Variants in DIAPH3 observed in about 807,000 individuals in gnomAD.
The protein encoded by DIAPH3 is diaphanous related formin 3.
DIAPH3 carries 117 observed loss-of-function variants against 144.3 expected under a neutral mutation model. The ratio of observed to expected loss-of-function variants is 0.81; its 90% confidence interval spans 0.70 to 0.95. The LOEUF (loss-of-function observed/expected upper bound fraction) is 0.95, where lower values mean the gene tolerates loss of function less well. DIAPH3 is among the 40% of genes least tolerant of loss of function. DIAPH3 has a pLI of 0.00. For synonymous variants in DIAPH3, 519 were observed against 488.9 expected (o/e 1.06, Z -0.81); for missense variants, 1,421 against 1,412.7 (o/e 1.01, Z -0.09).
chr13:59,813,299 G>A (rs190401077), intron 24 of DIAPH3, among the ~76,000 whole-genome samples: 55 of 151,850 alleles, frequency 3.6e-4, no homozygotes, highest in African/African-American at 9.7e-4. Flanking sequence ...ATATATAAAC[G>A]CTAGTTATTA....
At chr13:59,846,273 G>T (rs1057433524) in intron 22 of DIAPH3, among the ~76,000 whole-genome samples, 1 of 151,696 alleles carries the variant, frequency 6.6e-6, no homozygotes, top group Non-Finnish European at 1.5e-5. Context: ...TCTCCTGGAG[G>T]TGTTGGTCAT....
At chr13:59,771,944 T>C (rs986153239) in intron 27 of DIAPH3, among the ~76,000 whole-genome samples, 1 of 151,854 alleles carries the variant, frequency 6.6e-6, no homozygotes, top group Non-Finnish European at 1.5e-5. Flanking sequence ...TATAAATGAA[T>C]TTCACATAGC....
intron 2 of DIAPH3, among the ~76,000 whole-genome samples, chr13:60,132,091 C>T (rs1411524664): frequency 6.6e-6 from 1 of 152,172 alleles, no homozygotes; most frequent in African/African-American, 2.4e-5. Flanking sequence ...TTCTTAGGTA[C>T]TATTCAAAGG....
intron 5 of DIAPH3, among the ~76,000 whole-genome samples, chr13:60,029,550 A>T (rs1021911428): frequency 2.6e-5 from 4 of 152,140 alleles, no homozygotes; most frequent in African/African-American, 7.2e-5. Context: ...TTCTCACAAG[A>T]TCTGATGGCT....
chr13:59,995,944 T>A (rs1008388139), intron 9 of DIAPH3, among the ~76,000 whole-genome samples: 1 of 151,814 alleles, frequency 6.6e-6, no homozygotes, highest in East Asian at 1.9e-4. Context: ...GGTTTCAACA[T>A]GGAGATTAGA....
chr13:59,901,498 A>C (rs1014881140), intron 20 of DIAPH3, among the ~76,000 whole-genome samples: 3 of 152,180 alleles, frequency 2.0e-5, no homozygotes, highest in Non-Finnish European at 4.4e-5. Flanking sequence ...TTGCACACAC[A>C]AACACACTCA....
At position 59,963,251 on chromosome 13, in the gene DIAPH3, T is replaced by C. The variant is rs531601390; in HGVS notation, c.2074+6693A>G. On this transcript the variant is annotated intron_variant, in intron 17 of 27. Transcript: ENST00000400324. Reference sequence around the variant, plus strand: ...TACATTATAAGATCATATGCCCAAATGATTTAACCTTGAGGGACAAGAACA... The same window carrying C: ...TACATTATAAGATCATATGCCCAAACGATTTAACCTTGAGGGACAAGAACA... Among the ~76,000 whole-genome samples, 4 of 152,262 alleles carry C rather than the reference T, an allele frequency of 2.6e-5. 1 individual carries two copies. Among genetic ancestry groups the C allele is most frequent in the Admixed American group, 2.6e-4 (4 of 15,278 alleles).
At chr13:59,794,240 C>T (rs2039469656) in intron 25 of DIAPH3, among the ~76,000 whole-genome samples, 1 of 152,146 alleles carries the variant, frequency 6.6e-6, no homozygotes, top group African/African-American at 2.4e-5. Flanking sequence ...TTTATCTGGA[C>T]ATAACCCCAT....
intron 2 of DIAPH3, among the ~76,000 whole-genome samples, chr13:60,116,549 T>C (rs570767870): frequency 6.6e-6 from 1 of 152,004 alleles, no homozygotes; most frequent in African/African-American, 2.4e-5. Flanking sequence ...TATCAATTCC[T>C]AAGCACAGAA....
intron 9 of DIAPH3, among the ~76,000 whole-genome samples, chr13:60,003,068 T>C (rs890666189): frequency 6.6e-6 from 1 of 152,110 alleles, no homozygotes; most frequent in Non-Finnish European, 1.5e-5. Context: ...ACATGAACAA[T>C]GGACACTACG....
chr13:60,129,049 T>A (rs892150336), intron 2 of DIAPH3, among the ~76,000 whole-genome samples: 3 of 151,986 alleles, frequency 2.0e-5, no homozygotes, highest in East Asian at 3.9e-4. Flanking sequence ...GAGATGAGGA[T>A]CATAGAAGTA....
chr13:59,894,579 C>G (rs539058188), intron 20 of DIAPH3, among the ~76,000 whole-genome samples: 46 of 102,794 alleles, frequency 4.5e-4, no homozygotes, highest in Admixed American at 2.9e-4. Flanking sequence ...CCTGCCCCCC[C>G]ACCCCTCAAA....
intron 3 of DIAPH3, among the ~76,000 whole-genome samples, chr13:60,100,221 A>C (rs2058231727): frequency 6.6e-6 from 1 of 152,172 alleles, no homozygotes; most frequent in African/African-American, 2.4e-5. Context: ...ATAATAGGAC[A>C]TATTGATATT....
At chr13:60,008,115 CG>C (rs1376769598) in intron 9 of DIAPH3, among the ~76,000 whole-genome samples, 1 of 151,964 alleles carries the variant, frequency 6.6e-6, no homozygotes, top group African/African-American at 2.4e-5. Context: ...AATGCTAGGC[CG>C]GACGCAGTGG....
chr13:59,763,256 A>G (rs906990867), intron 27 of DIAPH3, among the ~76,000 whole-genome samples: 2 of 151,850 alleles, frequency 1.3e-5, no homozygotes, highest in African/African-American at 4.8e-5. Flanking sequence ...ATATAAGTGT[A>G]TATACATATG....
chr13:59,885,938 T>C (rs2045417388), intron 20 of DIAPH3, among the ~76,000 whole-genome samples: 1 of 152,092 alleles, frequency 6.6e-6, no homozygotes, highest in South Asian at 2.1e-4. Flanking sequence ...TAAATCTCTG[T>C]TGTTTTAAGC....
intron 27 of DIAPH3, among the ~76,000 whole-genome samples, chr13:59,706,004 T>C (rs1436295291): frequency 6.6e-6 from 1 of 151,750 alleles, no homozygotes; most frequent in Non-Finnish European, 1.5e-5. Flanking sequence ...TCAGTACCCA[T>C]GGGGGATTGT....
chr13:59,980,023 G>A (rs953937399), intron 14 of DIAPH3, among the ~76,000 whole-genome samples: 15 of 151,578 alleles, frequency 9.9e-5, no homozygotes, highest in African/African-American at 3.1e-4. Flanking sequence ...TTATTGGAAC[G>A]CTGAGCATGT....
At chr13:59,863,485 A>G (rs1042604510) in intron 21 of DIAPH3, among the ~76,000 whole-genome samples, 2 of 152,158 alleles carry the variant, frequency 1.3e-5, no homozygotes, top group African/African-American at 2.4e-5. Flanking sequence ...AAAATACCAA[A>G]TAACTGTTAA....
Sources: gnomAD v4.1 joint callset for allele counts (sites outside exome capture counted in the v4.1 genomes callset) on GRCh38, gnomAD v4.1.1 for gene constraint, MANE v1.5 for transcripts, NCBI Gene and HGNC (gene_info 2026-07-23, HGNC 2026-07-21) for gene names.